The following TOX variants were observed in gnomAD, a reference collection of about 807,000 sequenced individuals.
The protein encoded by TOX is thymocyte selection associated high mobility group box.
In TOX, 11 loss-of-function variants were observed where a neutral mutation model predicts 53.7. That is an observed-to-expected ratio of 0.20 (90% CI 0.13 to 0.34). TOX has a LOEUF of 0.34. TOX is among the 10% of genes least tolerant of loss of function. TOX has a pLI of 1.00. For missense variants in TOX, 570 were observed against 664.6 expected, an observed-to-expected ratio of 0.86 and a Z score of 1.56; for synonymous variants, 225 against 245.3, an observed-to-expected ratio of 0.92 and a Z score of 0.77.
intron 1 of TOX, among the ~76,000 whole-genome samples, chr8:58,962,863 T>C (rs1367106541): frequency 1.3e-5 from 2 of 152,220 alleles, no homozygotes; most frequent in Non-Finnish European, 1.5e-5. Flanking sequence ...GTTAATTCTA[T>C]AGGTCAACTT....
intron 4 of TOX, among the ~76,000 whole-genome samples, chr8:58,847,595 T>C (rs772718381): frequency 6.6e-6 from 1 of 152,018 alleles, no homozygotes; most frequent in Non-Finnish European, 1.5e-5. Flanking sequence ...GGAGCAAGAA[T>C]GGGATAGAGG....
intron 3 of TOX, among the ~76,000 whole-genome samples, chr8:58,875,574 A>G (rs1017300186): frequency 1.3e-5 from 2 of 152,238 alleles, no homozygotes; most frequent in Non-Finnish European, 2.9e-5. Context: ...TAATAAGTTT[A>G]AAAGGCTATA....
At chr8:58,989,447 T>A (rs1813400600) in intron 1 of TOX, among the ~76,000 whole-genome samples, 1 of 152,342 alleles carries the variant, frequency 6.6e-6, no homozygotes, top group African/African-American at 2.4e-5. Context: ...AGAGTATCCA[T>A]GAGAGAAGGG....
At chr8:59,098,767 G>A (rs964871325) in intron 1 of TOX, among the ~76,000 whole-genome samples, 1 of 152,152 alleles carries the variant, frequency 6.6e-6, no homozygotes, top group Non-Finnish European at 1.5e-5. Flanking sequence ...CTGTCCTCCT[G>A]TAGCATCCTC....
chr8:59,074,007 A>G (rs1804248250), intron 1 of TOX, among the ~76,000 whole-genome samples: 1 of 152,162 alleles, frequency 6.6e-6, no homozygotes, highest in East Asian at 1.9e-4. Flanking sequence ...TGCATTGTCC[A>G]GATAATAATT....
chr8:59,085,979 CTTTTTT>C lies in TOX; in HGVS notation c.102+32901_102+32906del, dbSNP rs35593177. 2.7e-3 allele frequency among the ~76,000 whole-genome samples: 242 copies of C among 88,832 alleles called. 1 individual carries two copies. Among genetic ancestry groups the C allele is most frequent in the Middle Eastern group, 9.6e-3 (1 of 104 alleles). The allele number at this position is 88,832 out of a possible 152,430, so 58.3% of individuals were successfully genotyped here. A position where few individuals can be genotyped will look rare whatever the true frequency, so the allele number is the denominator to read the frequency against. ...TTTCTTTTTCTTTTTCTTTTCTTTT[CTTTTTT>C]TTTTTTTTTTTTTTTTTGAGACAGA... On this transcript the variant is annotated intron_variant, in intron 1 of 8. Transcript: ENST00000361421.
At chr8:58,958,395 C>T (rs1297034580) in intron 2 of TOX, among the ~76,000 whole-genome samples, 1 of 152,110 alleles carries the variant, frequency 6.6e-6, no homozygotes, top group Non-Finnish European at 1.5e-5. Context: ...TTTATAACAG[C>T]CATCATTTAT....
chr8:58,959,322 C>A (rs1372376229), intron 2 of TOX, among the ~76,000 whole-genome samples: 2 of 152,126 alleles, frequency 1.3e-5, no homozygotes, highest in Non-Finnish European at 1.5e-5. Context: ...TAAGTGTAAC[C>A]ATTTACATTC....
rs999778193 is a variant in TOX at position 59,118,004 on chromosome 8, C to G, written c.102+882G>C. ...AGAGTAACCCCCTCCCTCGTACCCC[C>G]TGACTGTCCTATAGGTGGACCCAGC... is the stretch of plus-strand genomic sequence containing the variant. On this transcript the variant is annotated intron_variant, in intron 1 of 8. Transcript: ENST00000361421. This position sits in a 1 kb window ranked among gnomAD's most constrained non-coding sequence, Gnocchi z 4.1. 6.6e-6 allele frequency among the ~76,000 whole-genome samples: 1 copy of G among 152,172 alleles called. No homozygotes were observed. The highest frequency in any genetic ancestry group is 1.5e-5 in the Non-Finnish European group (1 of 68,016).
At chr8:58,903,632 T>G (rs1001226552) in intron 3 of TOX, among the ~76,000 whole-genome samples, 3 of 152,196 alleles carry the variant, frequency 2.0e-5, no homozygotes, top group Non-Finnish European at 4.4e-5. Context: ...TTTTGAATAC[T>G]GGCTAATATT....
intron 3 of TOX, among the ~76,000 whole-genome samples, chr8:58,901,539 T>C (rs1252702200): frequency 2.6e-5 from 4 of 152,202 alleles, no homozygotes; most frequent in Non-Finnish European, 5.9e-5. Context: ...GGCAGGAAAC[T>C]GAGTTGTAGT....
At chr8:59,076,782 G>C (rs181088497) in intron 1 of TOX, among the ~76,000 whole-genome samples, 371 of 152,190 alleles carry the variant, frequency 2.4e-3, no homozygotes, top group Middle Eastern at 0.014. Flanking sequence ...AACCTTTTTA[G>C]TACCCAACCT....
At chr8:58,973,571 G>A (rs527796090) in intron 1 of TOX, among the ~76,000 whole-genome samples, 2 of 152,310 alleles carry the variant, frequency 1.3e-5, no homozygotes, top group East Asian at 1.9e-4. Context: ...CTTGAGGTGT[G>A]AGGCTGACTT....
intron 1 of TOX, among the ~76,000 whole-genome samples, chr8:59,008,290 T>C (rs1445438501): frequency 6.6e-6 from 1 of 152,258 alleles, no homozygotes; most frequent in Non-Finnish European, 1.5e-5. Context: ...GAATAAAATA[T>C]CTTGAAGAAA....
intron 6 of TOX, among the ~76,000 whole-genome samples, chr8:58,823,032 A>G (rs1321142282): frequency 1.3e-5 from 2 of 152,226 alleles, no homozygotes; most frequent in African/African-American, 4.8e-5. Flanking sequence ...GATGCCATGT[A>G]TATTTTTGTT....
chr8:58,868,610 C>T (rs528361479), intron 3 of TOX, among the ~76,000 whole-genome samples: 1 of 152,112 alleles, frequency 6.6e-6, no homozygotes, highest in South Asian at 2.1e-4. Flanking sequence ...AATTTCTCAA[C>T]ATATGAATAA....
intron 1 of TOX, among the ~76,000 whole-genome samples, chr8:59,063,768 A>G (rs1804037414): frequency 6.6e-6 from 1 of 152,270 alleles, no homozygotes; most frequent in Non-Finnish European, 1.5e-5. Flanking sequence ...AATCTCAACT[A>G]TAAAAGCATA....
chr8:58,901,594 G>A (rs996351087), intron 3 of TOX, among the ~76,000 whole-genome samples: 2 of 152,096 alleles, frequency 1.3e-5, no homozygotes, highest in South Asian at 4.1e-4. Context: ...AGAGCAGCAC[G>A]TACTTGTCTA....
chr8:59,031,407 T>C (rs138584980), intron 1 of TOX, among the ~76,000 whole-genome samples: 61 of 152,348 alleles, frequency 4.0e-4, no homozygotes, highest in African/African-American at 1.4e-3. Flanking sequence ...ATAAGATTCA[T>C]GTGCTTAAGT....
Sources: allele counts gnomAD v4.1 joint callset (sites outside exome capture counted in the v4.1 genomes callset), GRCh38; gene constraint gnomAD v4.1.1; non-coding constraint Gnocchi (gnomAD v3.1); transcripts MANE v1.5; gene names NCBI Gene and HGNC (gene_info 2026-07-23, HGNC 2026-07-21).